SNX22: variants seen among roughly 807,000 people sequenced by gnomAD.
The protein encoded by SNX22 is sorting nexin-22.
Under a neutral mutation model 24.7 loss-of-function variants are expected in SNX22, and 23 were observed. The observed-to-expected ratio is 0.93, with a 90% CI of 0.67 to 1.32. The LOEUF (loss-of-function observed/expected upper bound fraction) is 1.32, where lower values mean the gene tolerates loss of function less well. Among genes scored for constraint, SNX22 ranks in the 40% most tolerant of loss-of-function variants. The pLI is 0.00. For synonymous variants in SNX22, 99 were observed against 104.0 expected, an observed-to-expected ratio of 0.95 and a Z score of 0.29; for missense variants, 261 against 249.9, an observed-to-expected ratio of 1.04 and a Z score of -0.30.
rs1398590362 is a variant in SNX22, at chr15:64,153,548, C to G, written c.360-104C>G. ...AACTGGGGCTTGTTACAAATAGAAGCAGTGGTCCCCTGGGAGGTGCAGTTC... is the reference window on the plus strand; with the variant it reads ...AACTGGGGCTTGTTACAAATAGAAGGAGTGGTCCCCTGGGAGGTGCAGTTC... On this transcript the variant is annotated intron_variant, in intron 4 of 6. Coordinates refer to ENST00000325881, the MANE Select transcript of SNX22 (RefSeq NM_024798.3). 2.6e-6 allele frequency: 4 copies of G among 1,530,484 alleles called. No individual in the cohort carries two copies. In the Admixed American group the frequency reaches 5.0e-5, roughly 19 times the overall value. 94.8% of individuals were successfully genotyped at this position (1,530,484 alleles called of 1,614,324 possible). A position where few individuals can be genotyped will look rare whatever the true frequency, so the allele number is the denominator to read the frequency against.
rs868866153 is a variant in SNX22 at position 64,152,070 on chromosome 15, G to A, written c.76-173G>A. 110 of 781,142 alleles carry A rather than the reference G, an allele frequency of 1.4e-4. No individual in the cohort carries two copies. In the Middle Eastern group the frequency reaches 1.9e-3, roughly 14 times the overall value. 48.4% of individuals were successfully genotyped at this position (781,142 alleles called of 1,614,324 possible). ...CCCCAGGGCTCCGAGGGGCAGGTCCGCCAGCCGGTTCTCCCAGGTGTGCGG... is the reference window on the plus strand; with the variant it reads ...CCCCAGGGCTCCGAGGGGCAGGTCCACCAGCCGGTTCTCCCAGGTGTGCGG... On this transcript the variant is annotated intron_variant, in intron 1 of 6. Coordinates refer to ENST00000325881, the MANE Select transcript of SNX22 (RefSeq NM_024798.3).
rs1157070244 is a variant in SNX22, at chr15:64,157,195, C to T, written c.*2687C>T. The T allele has an allele frequency of 2.1e-6, 1 of 476,394 alleles. No individual in the cohort carries two copies. The highest frequency in any genetic ancestry group is 3.8e-6 in the Non-Finnish European group (1 of 261,182). The allele number at this position is 476,394 out of a possible 1,614,324, so 29.5% of individuals were successfully genotyped here. A position where few individuals can be genotyped will look rare whatever the true frequency, so the allele number is the denominator to read the frequency against. ...TTTTAAATAAGGCGCATGTTATCAGCTCCCCTTAGCTATGGCCCAGGCCTG... is the reference window on the plus strand; with the variant it reads ...TTTTAAATAAGGCGCATGTTATCAGTTCCCCTTAGCTATGGCCCAGGCCTG... On this transcript the variant is annotated 3_prime_UTR_variant, in exon 7 of 7. Coordinates refer to ENST00000325881, the MANE Select transcript of SNX22 (RefSeq NM_024798.3). This position sits in a 1 kb window ranked among gnomAD's most constrained non-coding sequence, Gnocchi z 4.2.
chr15:64,152,475 T>A, intron 2 of SNX22, 149 bp downstream of exon 2: 1 of 1,193,376 alleles, frequency 8.4e-7, no homozygotes, highest in Non-Finnish European at 1.2e-6. Flanking sequence ...CGGGCCTCTG[T>A]GGGTGGGTTG....
rs934750511 is a variant in SNX22, at chr15:64,151,739, G to C, written c.-37G>C. ...TCCGCTCCGGGAGAGTTAGGGCTCC[G>C]AGCCGAGCGCGCGGAGCAGCTGGGG... On this transcript the variant is annotated 5_prime_UTR_variant, in exon 1 of 7. Coordinates refer to ENST00000325881, the MANE Select transcript of SNX22 (RefSeq NM_024798.3). 11 of 1,523,164 alleles carry C rather than the reference G, an allele frequency of 7.2e-6. No homozygotes were observed. The highest frequency in any genetic ancestry group is 2.9e-5 in the African/African-American group (2 of 70,170). 94.4% of individuals were successfully genotyped at this position (1,523,164 alleles called of 1,614,324 possible).
intron 4 of SNX22, 123 bp from the exon 5 acceptor site, chr15:64,153,529 G>A (rs950095476): frequency 6.6e-7 from 1 of 1,517,674 alleles, no homozygotes; most frequent in Non-Finnish European, 9.1e-7. Flanking sequence ...CCGGAACTGG[G>A]GCTTGTTACA....
intron 2 of SNX22, 107 bp downstream of exon 2, chr15:64,152,433 C>T (rs1203534640): frequency 3.9e-6 from 5 of 1,291,174 alleles, no homozygotes; most frequent in Middle Eastern, 1.9e-4. Context: ...ACCCCCATTA[C>T]TGCCTCAGTC....
In SNX22 at chr15:64,154,616, C is replaced by A; in HGVS notation, c.*108C>A. 1 of 1,401,364 alleles carries A rather than the reference C, an allele frequency of 7.1e-7. No individual in the cohort carries two copies. The highest frequency in any genetic ancestry group is 9.7e-7 in the Non-Finnish European group (1 of 1,029,404). 86.8% of individuals were successfully genotyped at this position (1,401,364 alleles called of 1,614,324 possible). A position where few individuals can be genotyped will look rare whatever the true frequency, so the allele number is the denominator to read the frequency against. On this transcript the variant is annotated 3_prime_UTR_variant, in exon 7 of 7. Coordinates refer to ENST00000325881, the MANE Select transcript of SNX22 (RefSeq NM_024798.3). ...TGGCCTGGACCCAGGACTTAATTAC[C>A]CAGTGCCCAGTTGTGCCACATTCCC...
rs2081513944 is a variant in SNX22, at chr15:64,154,737, A to T, written c.*229A>T. The T allele has an allele frequency of 6.6e-6, 3 of 455,472 alleles. No individual in the cohort carries two copies. 28.2% of individuals were successfully genotyped at this position (455,472 alleles called of 1,614,324 possible). On this transcript the variant is annotated 3_prime_UTR_variant, in exon 7 of 7. Transcript: ENST00000325881. Reference sequence around the variant, plus strand: ...CAGCCAAGGCAGGGTCAAGAAGATAAGTAATAAAAGAGGAAGTCAGCCAGG... The same window carrying T: ...CAGCCAAGGCAGGGTCAAGAAGATATGTAATAAAAGAGGAAGTCAGCCAGG...
In SNX22 at chr15:64,155,853, G is replaced by A; in HGVS notation, c.*1345G>A. The A allele has an allele frequency of 1.1e-6, 1 of 933,558 alleles. No homozygotes were observed. Among genetic ancestry groups the A allele is most frequent in the South Asian group, 1.5e-5 (1 of 68,720 alleles). 57.8% of individuals were successfully genotyped at this position (933,558 alleles called of 1,614,324 possible). Reference sequence around the variant, plus strand: ...AAAAAACCCACATTTTTTTTTATTGGTCAGTGTTGGTAGGAGTTTGTTACA... The same window carrying A: ...AAAAAACCCACATTTTTTTTTATTGATCAGTGTTGGTAGGAGTTTGTTACA... On this transcript the variant is annotated 3_prime_UTR_variant, in exon 7 of 7. Transcript: ENST00000325881.
chr15:64,153,718 G>C, intron 5 of SNX22, 34 bp downstream of exon 5: 2 of 1,613,856 alleles, frequency 1.2e-6, no homozygotes, highest in South Asian at 2.2e-5. Flanking sequence ...CTTGGCCCCT[G>C]CTGCCCCCTA....
At chr15:64,153,442 C>T (rs2099460244) in intron 4 of SNX22, 103 bp downstream of exon 4, 3 of 1,564,774 alleles carry the variant, frequency 1.9e-6, no homozygotes, top group Admixed American at 1.8e-5. Context: ...CAGGATCCAG[C>T]ATGACCGCCC....
chr15:64,154,351 G>C, intron 6 of SNX22, 36 bp from the exon 7 acceptor site: 1 of 1,612,518 alleles, frequency 6.2e-7, no homozygotes, highest in Non-Finnish European at 8.5e-7. Context: ...AGGAGCTGCA[G>C]GTCTGAGGCC....
rs2081523177 is a variant in SNX22 at position 64,155,608 on chromosome 15, G to A, written c.*1100G>A. ...AGACTGGAGGGTGGTGGCAAGGGGA[G>A]CAAATGTGGAGGCCCAGTAGCTGGC... is the stretch of plus-strand genomic sequence containing the variant. On this transcript the variant is annotated 3_prime_UTR_variant, in exon 7 of 7. Coordinates refer to ENST00000325881, the MANE Select transcript of SNX22 (RefSeq NM_024798.3). 1 of 252,952 alleles carries A rather than the reference G, an allele frequency of 4.0e-6. No homozygotes were observed. The highest frequency in any genetic ancestry group is 2.2e-5 in the African/African-American group (1 of 44,684). The allele number at this position is 252,952 out of a possible 1,614,324, so 15.7% of individuals were successfully genotyped here. A position where few individuals can be genotyped will look rare whatever the true frequency, so the allele number is the denominator to read the frequency against.
chr15:64,154,311 G>C, intron 6 of SNX22, 76 bp from the exon 7 acceptor site: 1 of 1,597,706 alleles, frequency 6.3e-7, no homozygotes, highest in Non-Finnish European at 8.5e-7. Flanking sequence ...CTACTCCCAA[G>C]TGGGGGCTGA....
rs2081533269 is a variant in SNX22, at chr15:64,156,575, AC to A, written c.*2068del. 1.0e-6 allele frequency: 1 copy of A among 982,500 alleles called. No individual in the cohort carries two copies. Among genetic ancestry groups the A allele is most frequent in the Non-Finnish European group, 1.6e-6 (1 of 614,642 alleles). 60.9% of individuals were successfully genotyped at this position (982,500 alleles called of 1,614,324 possible). On this transcript the variant is annotated 3_prime_UTR_variant, in exon 7 of 7. Transcript: ENST00000325881. The surrounding 1 kb of genome is among the most constrained non-coding windows in gnomAD (Gnocchi z 6.4). ...TTTAGAACCTTGGAGGCATGGAGGTACAGGGTTTATTCTGGACAGGAGCACT... is the reference window on the plus strand; with the variant it reads ...TTTAGAACCTTGGAGGCATGGAGGTAAGGGTTTATTCTGGACAGGAGCACT...
intron 1 of SNX22, 96 bp downstream of exon 1, chr15:64,151,946 G>A (rs914388439): frequency 1.6e-6 from 2 of 1,227,986 alleles, no homozygotes; most frequent in Admixed American, 5.7e-5. Context: ...CTGGGTGAAC[G>A]AGCGCTGCGG....
intron 3 of SNX22, 76 bp from the exon 4 acceptor site, chr15:64,153,169 C>A: frequency 2.6e-6 from 4 of 1,544,530 alleles, no homozygotes; most frequent in Non-Finnish European, 1.8e-6. Flanking sequence ...GAACAAAGAG[C>A]CCTGCATTTT....
At chr15:64,153,749 A>AGGCCTGCTGCCTG in intron 5 of SNX22, 65 bp downstream of exon 5, 1 of 1,610,532 alleles carries the variant, frequency 6.2e-7, no homozygotes, top group Non-Finnish European at 8.5e-7. Context: ...GCTAGGAGGC[A>AGGCCTGCTGCCTG]GGCCTGCTGC....
At chr15:64,153,593 C>A in intron 4 of SNX22, 59 bp from the exon 5 acceptor site, 1 of 1,608,576 alleles carries the variant, frequency 6.2e-7, no homozygotes, top group Non-Finnish European at 8.5e-7. Flanking sequence ...GTGTCTCCAC[C>A]CCTTCCTCAC....
Sources: gnomAD v4.1 joint callset for allele counts on GRCh38, gnomAD v4.1.1 for gene constraint, Gnocchi (gnomAD v3.1) non-coding constraint, MANE v1.5 for transcripts, NCBI Gene and HGNC (gene_info 2026-07-23, HGNC 2026-07-21) for gene names.